Variants in RNF220 observed in about 807,000 individuals in gnomAD.
RNF220 encodes E3 ubiquitin-protein ligase RNF220.
Under a neutral mutation model 67.1 loss-of-function variants are expected in RNF220, and 7 were observed. The observed-to-expected ratio is 0.10, with a 90% CI of 0.06 to 0.20. The LOEUF is 0.20. RNF220 is among the 10% of genes least tolerant of loss of function. The pLI is 1.00. For missense variants in RNF220, 565 were observed against 740.3 expected, an observed-to-expected ratio of 0.76 and a Z score of 2.75; for synonymous variants, 270 against 283.2, an observed-to-expected ratio of 0.95 and a Z score of 0.47.
At chr1:44,646,423 C>T (rs891140794) in intron 12 of RNF220, among the ~76,000 whole-genome samples, 4 of 152,286 alleles carry the variant, frequency 2.6e-5, no homozygotes, top group African/African-American at 7.2e-5. Flanking sequence ...GCGCAGGGCC[C>T]GGCTGCCCAT....
In RNF220 at chr1:44,598,730, G is replaced by A. The variant is rs77041076; in HGVS notation, c.626-15435G>A. Among the ~76,000 whole-genome samples, 159 of 152,252 alleles carry A rather than the reference G, an allele frequency of 1.0e-3. 1 individual carries two copies. Among genetic ancestry groups the A allele is most frequent in the Non-Finnish European group, 1.8e-3 (125 of 68,018 alleles). On this transcript the variant is annotated intron_variant, in intron 2 of 14. Coordinates refer to ENST00000361799, the MANE Select transcript of RNF220 (RefSeq NM_018150.4). Reference sequence around the variant, plus strand: ...TTTTGCTGTCTGGTTATGTTCACATGGTCACTGGTCACCCATTTCCCACCA... The same window carrying A: ...TTTTGCTGTCTGGTTATGTTCACATAGTCACTGGTCACCCATTTCCCACCA...
chr1:44,572,981 G>A (rs1389038347), intron 2 of RNF220: 1 of 410,750 alleles, frequency 2.4e-6, no homozygotes, highest in Non-Finnish European at 4.9e-6. Flanking sequence ...ACTTGAAAGA[G>A]AAGTTCTCGA....
intron 2 of RNF220, among the ~76,000 whole-genome samples, chr1:44,502,153 T>TCA (rs1327801782): frequency 3.9e-4 from 46 of 116,920 alleles, no homozygotes; most frequent in African/African-American, 1.1e-3. Flanking sequence ...TCTCTCTCTC[T>TCA]CTCTCACACA....
intron 8 of RNF220, chr1:44,644,314 G>C (rs1644572935): frequency 4.9e-6 from 1 of 202,306 alleles, no homozygotes; most frequent in Non-Finnish European, 1.0e-5. Flanking sequence ...TGGGGCATAG[G>C]GGAGGCCCCA....
At chr1:44,511,908 TGTGTGTGC>T (rs1479956957) in intron 2 of RNF220, among the ~76,000 whole-genome samples, 1 of 119,650 alleles carries the variant, frequency 8.4e-6, no homozygotes. Context: ...TTGAGAAGCG[TGTGTGTGC>T]GTGTGTGTGT....
In RNF220 at chr1:44,641,536, A is replaced by G. The variant is rs554730559; in HGVS notation, c.1127-3162A>G. Among the ~76,000 whole-genome samples, 11 of 152,128 alleles carry G rather than the reference A, an allele frequency of 7.2e-5. No homozygotes were observed. In the South Asian group the frequency reaches 2.3e-3, roughly 32 times the overall value. On this transcript the variant is annotated intron_variant, in intron 8 of 14. Transcript: ENST00000361799. ...CTGGCTTGGGATATTCCAGCAGCTG[A>G]GAACATCAAACGACTGTGGAGCCTT...
Position 44,417,759 on chromosome 1 carries a change from G to C in RNF220, c.625+5037G>C, listed in dbSNP as rs538990736. ...CTGGTAATTGATCTTCTGGGGGAGG[G>C]GGCGCGGAGAGGCGCGAGAACTGGC... On this transcript the variant is annotated intron_variant, in intron 2 of 14. Coordinates refer to ENST00000361799, the MANE Select transcript of RNF220 (RefSeq NM_018150.4). This position sits in a 1 kb window ranked among gnomAD's most constrained non-coding sequence, Gnocchi z 4.0. Among the ~76,000 whole-genome samples the C allele has an allele frequency of 6.6e-6, 1 of 152,192 alleles. No individual in the cohort carries two copies. Among genetic ancestry groups the C allele is most frequent in the African/African-American group, 2.4e-5 (1 of 41,448 alleles).
chr1:44,418,037 C>T (rs1359077956), intron 2 of RNF220, among the ~76,000 whole-genome samples: 1 of 152,208 alleles, frequency 6.6e-6, no homozygotes, highest in Non-Finnish European at 1.5e-5. Flanking sequence ...TCCCTGCACC[C>T]CCAAGTCGCA....
intron 2 of RNF220, among the ~76,000 whole-genome samples, chr1:44,602,805 TCAGG>T (rs1255435906): frequency 2.0e-5 from 3 of 151,936 alleles, no homozygotes; most frequent in African/African-American, 7.3e-5. Flanking sequence ...CCTTCATTTC[TCAGG>T]TCACTGCTTG....
chr1:44,446,442 C>CT (rs1230603241), intron 2 of RNF220, among the ~76,000 whole-genome samples: 2 of 152,116 alleles, frequency 1.3e-5, no homozygotes, highest in Admixed American at 6.5e-5. Flanking sequence ...GTATGATTTG[C>CT]TTAGCACCTA....
chr1:44,535,360 C>T (rs1183086930), intron 2 of RNF220, among the ~76,000 whole-genome samples: 10 of 151,946 alleles, frequency 6.6e-5, no homozygotes, highest in Admixed American at 1.3e-4. Flanking sequence ...AGGCTGGTCT[C>T]GAACTCCTGA....
rs1643817394 is a variant in RNF220 at position 44,622,027 on chromosome 1, G to A, written c.759-715G>A. Among the ~76,000 whole-genome samples the A allele has an allele frequency of 6.6e-6, 1 of 152,216 alleles. No individual in the cohort carries two copies. Among genetic ancestry groups the A allele is most frequent in the South Asian group, 2.1e-4 (1 of 4,834 alleles). On this transcript the variant is annotated intron_variant, in intron 3 of 14. Coordinates refer to ENST00000361799, the MANE Select transcript of RNF220 (RefSeq NM_018150.4). The surrounding 1 kb of genome is among the most constrained non-coding windows in gnomAD (Gnocchi z 4.3). ...AAGTGGATCTGATTTGATACGTCTT[G>A]TTCCATTGTCAGCATCTGTTTAGCA...
At chr1:44,592,623 ACT>A (rs1666199893) in intron 2 of RNF220, among the ~76,000 whole-genome samples, 1 of 151,974 alleles carries the variant, frequency 6.6e-6, no homozygotes. Flanking sequence ...GCTGAGAGCC[ACT>A]CTGCAAGTCC....
At chr1:44,551,595 C>T (rs907336207) in intron 2 of RNF220, among the ~76,000 whole-genome samples, 1 of 152,178 alleles carries the variant, frequency 6.6e-6, no homozygotes, top group Non-Finnish European at 1.5e-5. Flanking sequence ...TTCACAATCT[C>T]ATCATCAATG....
At chr1:44,540,090 T>C (rs1661558343) in intron 2 of RNF220, among the ~76,000 whole-genome samples, 1 of 152,186 alleles carries the variant, frequency 6.6e-6, no homozygotes, top group South Asian at 2.1e-4. Context: ...TCTTCCACAC[T>C]GGCTTCAGCT....
At chr1:44,520,127 G>A (rs1659799427) in intron 2 of RNF220, among the ~76,000 whole-genome samples, 1 of 131,116 alleles carries the variant, frequency 7.6e-6, no homozygotes, top group Admixed American at 7.8e-5. Context: ...GTGTGTGTGT[G>A]TGAGAGAGAG....
chr1:44,614,141 T>G, intron 2 of RNF220, 24 bp from the exon 3 acceptor site: 1 of 1,613,818 alleles, frequency 6.2e-7, no homozygotes, highest in Non-Finnish European at 8.5e-7. Flanking sequence ...CTTACGCGTC[T>G]GTCTGTTCTT....
chr1:44,490,611 A>G (rs1264327749), intron 2 of RNF220, among the ~76,000 whole-genome samples: 1 of 152,170 alleles, frequency 6.6e-6, no homozygotes, highest in East Asian at 1.9e-4. Flanking sequence ...AGGGAAATTT[A>G]TAGCTGTAAA....
chr1:44,417,414 G>A lies in RNF220; in HGVS notation c.625+4692G>A, dbSNP rs1355419078. On this transcript the variant is annotated intron_variant, in intron 2 of 14. Coordinates refer to ENST00000361799, the MANE Select transcript of RNF220 (RefSeq NM_018150.4). This position sits in a 1 kb window ranked among gnomAD's most constrained non-coding sequence, Gnocchi z 4.0. ...CAGCTAAAGTGGGGCCAGGCTGGACGGGAGCAGTCCCTGATGGCTGCAGAG... is the reference window on the plus strand; with the variant it reads ...CAGCTAAAGTGGGGCCAGGCTGGACAGGAGCAGTCCCTGATGGCTGCAGAG... Among the ~76,000 whole-genome samples, 1 of 152,148 alleles carries A rather than the reference G, an allele frequency of 6.6e-6. No homozygotes were observed. Among genetic ancestry groups the A allele is most frequent in the African/African-American group, 2.4e-5 (1 of 41,446 alleles).
Sources: gnomAD v4.1 joint callset for allele counts (sites outside exome capture counted in the v4.1 genomes callset) on GRCh38, gnomAD v4.1.1 for gene constraint, Gnocchi (gnomAD v3.1) non-coding constraint, MANE v1.5 for transcripts, NCBI Gene and HGNC (gene_info 2026-07-23, HGNC 2026-07-21) for gene names.